Variants in AOAH observed in about 807,000 individuals in gnomAD.
AOAH encodes the protein acyloxyacyl hydrolase (neutrophil).
Under a neutral mutation model 92.2 loss-of-function variants are expected in AOAH, and 64 were observed. The ratio of observed to expected loss-of-function variants is 0.69; its 90% CI spans 0.57 to 0.86. The LOEUF (loss-of-function observed/expected upper bound fraction) is 0.86. AOAH is among the 40% of genes least tolerant of loss of function. The probability of loss-of-function intolerance (pLI) is 0.00; values close to 1 mark genes in which losing one functional copy is unlikely to be tolerated. For synonymous variants in AOAH, 263 were observed against 254.5 expected (o/e 1.03, Z -0.32); for missense variants, 656 against 694.6 (o/e 0.94, Z 0.62).
chr7:36,621,928 T>A lies in AOAH; in HGVS notation c.583-148A>T, dbSNP rs535048219. On this transcript the variant is annotated intron_variant, in intron 7 of 20. Coordinates refer to ENST00000617537, the MANE Select transcript of AOAH (RefSeq NM_001637.4). ...GATCACTAAAGAGCACTAAGAAAAT[T>A]AAGATTAATATGATAAGACATGCTG... 120 of 707,038 alleles carry A rather than the reference T, an allele frequency of 1.7e-4. No individual in the cohort carries two copies. In the East Asian group the frequency reaches 3.1e-3, roughly 18 times the overall value. The allele number at this position is 707,038 out of a possible 1,614,324, so 43.8% of individuals were successfully genotyped here.
chr7:36,641,323 C>G (rs191357298), intron 4 of AOAH, among the ~76,000 whole-genome samples: 3 of 152,092 alleles, frequency 2.0e-5, no homozygotes, highest in Non-Finnish European at 4.4e-5. Flanking sequence ...ATTCTAGAAG[C>G]CCCCCCTCCT....
chr7:36,556,162 C>T (rs1035247716), intron 13 of AOAH, among the ~76,000 whole-genome samples: 5 of 151,698 alleles, frequency 3.3e-5, no homozygotes, highest in African/African-American at 1.2e-4. Flanking sequence ...TTAATGTGTC[C>T]CAGAGATTCT....
chr7:36,615,900 A>G (rs1183911620), intron 11 of AOAH, among the ~76,000 whole-genome samples: 6 of 151,692 alleles, frequency 4.0e-5, no homozygotes, highest in Admixed American at 3.3e-4. Flanking sequence ...TTTTATTAAA[A>G]AACCCTCCCA....
At chr7:36,691,746 G>T (rs924043216) in intron 1 of AOAH, among the ~76,000 whole-genome samples, 1 of 152,200 alleles carries the variant, frequency 6.6e-6, no homozygotes, top group Admixed American at 6.5e-5. Context: ...AAGTGATGGT[G>T]TCTATATCCC....
intron 5 of AOAH, among the ~76,000 whole-genome samples, chr7:36,635,319 C>G (rs917182378): frequency 2.0e-5 from 3 of 152,098 alleles, no homozygotes; most frequent in African/African-American, 7.2e-5. Context: ...CTGAGCTTCC[C>G]CATGCACCAG....
intron 20 of AOAH, among the ~76,000 whole-genome samples, chr7:36,517,931 CCACACACACACACCCACACACACACA>C (rs1349675151): frequency 1.1e-5 from 1 of 87,768 alleles, no homozygotes; most frequent in African/African-American, 4.3e-5. Flanking sequence ...ACACACACAC[CCACACACACACACCCACACACACACA>C]CACACACACA....
chr7:36,690,935 T>G (rs916471692), intron 1 of AOAH, among the ~76,000 whole-genome samples: 2 of 152,162 alleles, frequency 1.3e-5, no homozygotes, highest in African/African-American at 4.8e-5. Flanking sequence ...AAACTCTAAT[T>G]ATAATCATAT....
chr7:36,635,192 A>T (rs1793434212), intron 5 of AOAH, among the ~76,000 whole-genome samples: 1 of 152,204 alleles, frequency 6.6e-6, no homozygotes, highest in Non-Finnish European at 1.5e-5. Flanking sequence ...CAATACATTT[A>T]AAATATTGCA....
At chr7:36,554,241 G>A (rs374763584) in intron 13 of AOAH, among the ~76,000 whole-genome samples, 53 of 152,220 alleles carry the variant, frequency 3.5e-4, no homozygotes, top group Admixed American at 1.6e-3. Flanking sequence ...TAAATAGGGA[G>A]TCCTTTCCCC....
intron 9 of AOAH, among the ~76,000 whole-genome samples, chr7:36,619,767 C>T (rs1432260750): frequency 6.6e-6 from 1 of 152,138 alleles, no homozygotes; most frequent in Non-Finnish European, 1.5e-5. Context: ...AAAATATTTA[C>T]AGAAACTTTT....
chr7:36,548,470 G>A (rs1785951116), intron 15 of AOAH, 142 bp downstream of exon 15: 1 of 631,968 alleles, frequency 1.6e-6, no homozygotes, highest in South Asian at 1.7e-5. Context: ...ATAGGTGTGA[G>A]CCCCTGTGCC....
chr7:36,513,527 T>G (rs1790164653), intron 20 of AOAH, 147 bp from the exon 21 acceptor site: 1 of 754,704 alleles, frequency 1.3e-6, no homozygotes, highest in South Asian at 1.9e-5. Flanking sequence ...CCTCCTTCCC[T>G]TGCTGGCGGT....
chr7:36,561,450 A>C (rs1269597929), intron 13 of AOAH, among the ~76,000 whole-genome samples: 1 of 152,156 alleles, frequency 6.6e-6, no homozygotes, highest in Non-Finnish European at 1.5e-5. Flanking sequence ...AGATTTCATA[A>C]CACTGAGTCC....
At chr7:36,588,014 C>T (rs899492287) in intron 12 of AOAH, among the ~76,000 whole-genome samples, 1 of 152,172 alleles carries the variant, frequency 6.6e-6, no homozygotes, top group Non-Finnish European at 1.5e-5. Context: ...CAGCCATCAT[C>T]CTTTGTTAAT....
chr7:36,691,788 T>A (rs935332244), intron 1 of AOAH, among the ~76,000 whole-genome samples: 3 of 152,198 alleles, frequency 2.0e-5, no homozygotes, highest in Non-Finnish European at 2.9e-5. Context: ...TGACTTGCTT[T>A]GACCAGTATG....
At chr7:36,631,774 G>C (rs1269946524) in intron 6 of AOAH, among the ~76,000 whole-genome samples, 1 of 152,202 alleles carries the variant, frequency 6.6e-6, no homozygotes, top group Non-Finnish European at 1.5e-5. Flanking sequence ...TGCCGGCAGT[G>C]AGCCTCACTG....
At position 36,532,140 on chromosome 7, in the gene AOAH, G is replaced by A; in HGVS notation, c.1425+7C>T. 1.2e-6 allele frequency: 2 copies of A among 1,614,172 alleles called. No homozygotes were observed. Among genetic ancestry groups the A allele is most frequent in the South Asian group, 2.2e-5 (2 of 91,090 alleles). ...AGATGGTATCAAAAGGCCTGTGACA[G>A]TCATACCTCTGAAGTGAGAGTCCGC... On this transcript the variant is annotated splice_region_variant and intron_variant, in intron 18 of 20. Transcript: ENST00000617537.
rs1350262462 is a variant in AOAH, at chr7:36,686,677, G to A, written c.223+22C>T. 6 of 1,451,486 alleles carry A rather than the reference G, an allele frequency of 4.1e-6. No individual in the cohort carries two copies. In the African/African-American group the frequency reaches 8.7e-5, roughly 21 times the overall value. 89.9% of individuals were successfully genotyped at this position (1,451,486 alleles called of 1,614,324 possible). A position where few individuals can be genotyped will look rare whatever the true frequency, so the allele number is the denominator to read the frequency against. ...TGAGAGGACAAGCAGACCCTCAGCA[G>A]TATGACTCGTCCCATATTTACCAGG... On this transcript the variant is annotated intron_variant, in intron 2 of 20. Transcript: ENST00000617537.
chr7:36,582,100 G>A (rs1166341729), intron 12 of AOAH, among the ~76,000 whole-genome samples: 3 of 152,190 alleles, frequency 2.0e-5, no homozygotes, highest in Admixed American at 6.5e-5. Context: ...TATGCATAAT[G>A]AGGCTAAACT....
Sources: gnomAD v4.1 joint callset for allele counts (sites outside exome capture counted in the v4.1 genomes callset) on GRCh38, gnomAD v4.1.1 for gene constraint, MANE v1.5 for transcripts, NCBI Gene and HGNC (gene_info 2026-07-23, HGNC 2026-07-21) for gene names.